The following TRPC6 variants were observed in gnomAD, a reference collection of about 807,000 sequenced individuals.
TRPC6 encodes transient receptor potential cation channel subfamily C member 6, also known as short transient receptor potential channel 6.
A neutral mutation model predicts 90.7 loss-of-function variants in TRPC6; 55 were observed. The observed-to-expected ratio is 0.61, with a 90% CI of 0.49 to 0.76. TRPC6 has a LOEUF of 0.76. TRPC6 is among the 30% of genes least tolerant of loss of function. TRPC6 has a pLI of 0.00. For missense variants in TRPC6, 989 were observed against 1,122.7 expected (o/e 0.88, Z 1.70); for synonymous variants, 393 against 393.0 (o/e 1.00, Z 0.00).
At chr11:101,492,815 G>A (rs1014989030) in intron 2 of TRPC6, among the ~76,000 whole-genome samples, 4 of 152,186 alleles carry the variant, frequency 2.6e-5, no homozygotes, top group African/African-American at 7.2e-5. Flanking sequence ...GAGCAAGTAC[G>A]TGTCTATTTA....
chr11:101,497,671 G>A (rs943607712), intron 2 of TRPC6, among the ~76,000 whole-genome samples: 1 of 152,020 alleles, frequency 6.6e-6, no homozygotes, highest in Non-Finnish European at 1.5e-5. Flanking sequence ...GACAATTCCT[G>A]CTATATAAAA....
At chr11:101,553,799 C>T (rs967255582) in intron 1 of TRPC6, among the ~76,000 whole-genome samples, 2 of 152,084 alleles carry the variant, frequency 1.3e-5, no homozygotes, top group African/African-American at 2.4e-5. Context: ...TGCACTCATA[C>T]ATCATTCTCT....
chr11:101,466,368 G>C (rs1294176441), intron 10 of TRPC6, among the ~76,000 whole-genome samples: 1 of 152,238 alleles, frequency 6.6e-6, no homozygotes, highest in African/African-American at 2.4e-5. Context: ...GTAAGTCCCT[G>C]ACTGGGGCTA....
In TRPC6 at chr11:101,469,426, C is replaced by G. The variant is rs201979912; in HGVS notation, c.2484+1G>C. ...CTTCATATTTTCAAATATGAGCTTA[C>G]CTGTTTTTTGTCAAGTGATAATTTT... On this transcript the variant is annotated splice_donor_variant, in intron 10 of 12. Coordinates refer to ENST00000344327, the MANE Select transcript of TRPC6 (RefSeq NM_004621.6). LOFTEE classifies it high-confidence loss of function. 5 of 770,420 alleles carry G rather than the reference C, an allele frequency of 6.5e-6. No homozygotes were observed. The Admixed American group carries it at 6.9e-5, about 11-fold the overall frequency. 47.7% of individuals were successfully genotyped at this position (770,420 alleles called of 1,614,324 possible).
intron 1 of TRPC6, among the ~76,000 whole-genome samples, chr11:101,534,939 AT>A (rs1861002553): frequency 6.6e-6 from 1 of 152,164 alleles, no homozygotes; most frequent in South Asian, 2.1e-4. Context: ...CAGTGAGCAC[AT>A]CACCTGAGGT....
intron 1 of TRPC6, among the ~76,000 whole-genome samples, chr11:101,553,115 T>G (rs12282925): frequency 0.23 from 34,669 of 151,918 alleles, 4,283 homozygotes; most frequent in Middle Eastern, 0.34. Flanking sequence ...AGATAGGTGA[T>G]GTAATCAAAG....
chr11:101,553,944 T>C (rs1055118904), intron 1 of TRPC6, among the ~76,000 whole-genome samples: 1 of 152,092 alleles, frequency 6.6e-6, no homozygotes, highest in Non-Finnish European at 1.5e-5. Context: ...TAAGTGTTCA[T>C]AGTTCTGTGG....
chr11:101,473,748 A>G lies in TRPC6; in HGVS notation c.1770T>C (p.Asp590=). Residue 590 remains aspartate, a synonymous_variant, in exon 7 of 13, where the codon GAT becomes GAC. Coordinates refer to ENST00000344327, the MANE Select transcript of TRPC6 (RefSeq NM_004621.6). Reference sequence around the variant, plus strand: ...AAAGACCTTCAGATATTATTTGAGGATCAGAGGGGTCCCACTTTATCCTGG... The same window carrying G: ...AAAGACCTTCAGATATTATTTGAGGGTCAGAGGGGTCCCACTTTATCCTGG... The part of the protein sequence containing the change: ...NLARIKWDPS[D]PQIISEGLYA... 6.2e-7 allele frequency: 1 copy of G among 1,613,732 alleles called. No individual in the cohort carries two copies.
intron 2 of TRPC6, 130 bp from the exon 3 acceptor site, chr11:101,491,868 C>A (rs1481981922): frequency 3.6e-6 from 3 of 828,650 alleles, no homozygotes; most frequent in East Asian, 6.7e-5. Flanking sequence ...TGAGACGGAG[C>A]CTGGCTGTGT....
At chr11:101,461,293 G>A (rs866479201) in intron 10 of TRPC6, among the ~76,000 whole-genome samples, 41 of 152,290 alleles carry the variant, frequency 2.7e-4, no homozygotes, top group Admixed American at 7.2e-4. Context: ...GGCCAGGCAC[G>A]GTGGCTGATG....
chr11:101,453,875 C>T (rs888584744), intron 11 of TRPC6, 150 bp from the exon 12 acceptor site: 11 of 755,188 alleles, frequency 1.5e-5, no homozygotes, highest in East Asian at 1.1e-4. Flanking sequence ...AGGATGCAGG[C>T]GATCTCTACA....
At chr11:101,466,687 C>T (rs941951178) in intron 10 of TRPC6, among the ~76,000 whole-genome samples, 7 of 152,204 alleles carry the variant, frequency 4.6e-5, no homozygotes, top group African/African-American at 1.7e-4. Flanking sequence ...GTCTCCCTGG[C>T]TTCAGCCCCC....
intron 1 of TRPC6, among the ~76,000 whole-genome samples, chr11:101,530,876 AAATT>A (rs1305221504): frequency 6.6e-6 from 1 of 152,216 alleles, no homozygotes; most frequent in African/African-American, 2.4e-5. Flanking sequence ...ACAGAATGAC[AAATT>A]TATTATCTCA....
At chr11:101,461,356 G>A (rs973813344) in intron 10 of TRPC6, among the ~76,000 whole-genome samples, 2 of 152,158 alleles carry the variant, frequency 1.3e-5, no homozygotes, top group Admixed American at 1.3e-4. Flanking sequence ...CTTGAGTCCA[G>A]GAGTTTGAGT....
intron 10 of TRPC6, among the ~76,000 whole-genome samples, chr11:101,467,071 T>A (rs1350041231): frequency 1.3e-5 from 2 of 152,194 alleles, no homozygotes; most frequent in African/African-American, 4.8e-5. Context: ...ATGAACTGGG[T>A]ACCTCAGTTG....
At chr11:101,475,761 CATG>C (rs1483521951) in intron 6 of TRPC6, among the ~76,000 whole-genome samples, 1 of 151,818 alleles carries the variant, frequency 6.6e-6, no homozygotes, top group Non-Finnish European at 1.5e-5. Flanking sequence ...TTTCACTCAG[CATG>C]ATGTCTTCCG....
chr11:101,509,717 AT>A lies in TRPC6; in HGVS notation c.171-4920del, dbSNP rs201469652. 9.3e-5 allele frequency among the ~76,000 whole-genome samples: 14 copies of A among 150,146 alleles called. 1 individual carries two copies. In the East Asian group the frequency reaches 1.4e-3, roughly 15 times the overall value. On this transcript the variant is annotated intron_variant, in intron 1 of 12. Coordinates refer to ENST00000344327, the MANE Select transcript of TRPC6 (RefSeq NM_004621.6). ...GGAACAGCAAAGATATTTCCGTAGA[AT>A]TTTTTTTTTCAGTTTTAAAGCATCT...
At chr11:101,568,520 A>G (rs556049995) in intron 1 of TRPC6, among the ~76,000 whole-genome samples, 232 of 152,306 alleles carry the variant, frequency 1.5e-3, no homozygotes, top group Non-Finnish European at 2.9e-3. Context: ...GAATACCACA[A>G]AGGTATTCCT....
At chr11:101,573,921 C>CGTGTGTGTGT (rs58766729) in intron 1 of TRPC6, among the ~76,000 whole-genome samples, 15,094 of 131,678 alleles carry the variant, frequency 0.11, 1,139 homozygotes, top group Non-Finnish European at 0.16. Context: ...GAAACAAATA[C>CGTGTGTGTGT]GTGTGTGTGT....
Sources: gnomAD v4.1 joint callset for allele counts (sites outside exome capture counted in the v4.1 genomes callset) on GRCh38, gnomAD v4.1.1 for gene constraint, MANE v1.5 for transcripts, NCBI Gene and HGNC (gene_info 2026-07-23, HGNC 2026-07-21) for gene names.